RPS6KA1: variants seen among roughly 807,000 people sequenced by gnomAD.
The protein encoded by RPS6KA1 is ribosomal protein S6 kinase A1.
RPS6KA1 carries 48 observed loss-of-function variants against 91.3 expected under a neutral mutation model. That is an observed-to-expected ratio of 0.53 (90% confidence interval 0.42 to 0.67). RPS6KA1 has a LOEUF of 0.67. Among genes scored for constraint, RPS6KA1 ranks in the 30% least tolerant of loss-of-function variants. The probability of loss-of-function intolerance (pLI) is 0.00; values close to 1 mark genes in which losing one functional copy is unlikely to be tolerated. For missense variants in RPS6KA1, 719 were observed against 960.5 expected, an observed-to-expected ratio of 0.75 and a Z score of 3.32; for synonymous variants, 359 against 384.7, an observed-to-expected ratio of 0.93 and a Z score of 0.78.
At chr1:26,559,924 G>A (rs765244256) in intron 14 of RPS6KA1, among the ~76,000 whole-genome samples, 6 of 152,138 alleles carry the variant, frequency 3.9e-5, no homozygotes, top group African/African-American at 7.2e-5. Flanking sequence ...GCGAAACCCC[G>A]TCTCTAAAAA....
At chr1:26,563,233 C>T (rs1289804210) in intron 17 of RPS6KA1, among the ~76,000 whole-genome samples, 1 of 151,638 alleles carries the variant, frequency 6.6e-6, no homozygotes, top group African/African-American at 2.4e-5. Flanking sequence ...TAAATCTCTC[C>T]CCCTTTTTTT....
Position 26,560,725 on chromosome 1 carries a change from G to A in RPS6KA1, c.1216-1G>A. On this transcript the variant is annotated splice_acceptor_variant, in intron 14 of 21. Transcript: ENST00000374168. LOFTEE classifies it high-confidence loss of function. Reference sequence around the variant, plus strand: ...CAGCCACAATTTTTGGTCTCCTACAGCAACTCCATGGGAAGAACCTGGTTT... The same window carrying A: ...CAGCCACAATTTTTGGTCTCCTACAACAACTCCATGGGAAGAACCTGGTTT... The A allele has an allele frequency of 1.2e-6, 2 of 1,614,152 alleles. No individual in the cohort carries two copies. Among genetic ancestry groups the A allele is most frequent in the Non-Finnish European group, 1.7e-6 (2 of 1,180,018 alleles).
chr1:26,559,007 T>C (rs940014856), intron 14 of RPS6KA1, 70 bp downstream of exon 14: 12 of 1,555,616 alleles, frequency 7.7e-6, no homozygotes, highest in Non-Finnish European at 7.9e-6. Flanking sequence ...AGGCTCTGAG[T>C]TGGACAGAAC....
Position 26,572,256 on chromosome 1 carries a change from G to T in RPS6KA1, c.1910G>T (p.Ser637Ile). ...TRIGSGKFTLSGGNWNTVSET... is the reference protein window; with the variant it reads ...TRIGSGKFTLIGGNWNTVSET... ...ATCGGCAGTGGGAAGTTTACCCTCA[G>T]TGGGGGAAATTGGAACACAGTTTCA... Residue 637 changes from serine to isoleucine, a missense_variant, in exon 20 of 22, where the codon AGT (serine) becomes ATT (isoleucine). Physicochemically the swap from Ser to Ile is moderately radical, Grantham distance 142. Transcript: ENST00000374168. 6.2e-7 allele frequency: 1 copy of T among 1,614,044 alleles called. No individual in the cohort carries two copies. The highest frequency in any genetic ancestry group is 8.5e-7 in the Non-Finnish European group (1 of 1,179,968).
intron 2 of RPS6KA1, chr1:26,543,249 C>A: frequency 6.8e-7 from 1 of 1,477,974 alleles, no homozygotes; most frequent in Non-Finnish European, 9.1e-7. Flanking sequence ...CTGCCTCCAG[C>A]GGTGTCTGTC....
In RPS6KA1 at chr1:26,547,150, C is replaced by T. The variant is rs2076002412; in HGVS notation, c.226-39C>T. 2 of 1,607,454 alleles carry T rather than the reference C, an allele frequency of 1.2e-6. No individual in the cohort carries two copies. The highest frequency in any genetic ancestry group is 2.2e-5 in the East Asian group (1 of 44,842). On this transcript the variant is annotated intron_variant, in intron 3 of 21. Coordinates refer to ENST00000374168, the MANE Select transcript of RPS6KA1 (RefSeq NM_002953.4). The surrounding 1 kb of genome is among the most constrained non-coding windows in gnomAD (Gnocchi z 4.1). ...TAGAGGTCAGCCTGGACTCAGACCT[C>T]TCCCATCTTCTGCCCTGCTTCCTGC...
intron 17 of RPS6KA1, among the ~76,000 whole-genome samples, chr1:26,562,670 T>C (rs1479286264): frequency 2.0e-5 from 3 of 152,070 alleles, no homozygotes. Context: ...TCTCTCTGCA[T>C]GAGATAATGT....
intron 14 of RPS6KA1, among the ~76,000 whole-genome samples, chr1:26,559,714 T>G (rs1002604152): frequency 6.6e-6 from 1 of 152,066 alleles, no homozygotes; most frequent in African/African-American, 2.4e-5. Flanking sequence ...TCCTCGTGCC[T>G]CAGTTTCCTC....
At chr1:26,536,081 G>C (rs1216422428) in intron 1 of RPS6KA1, among the ~76,000 whole-genome samples, 1 of 151,294 alleles carries the variant, frequency 6.6e-6, no homozygotes, top group Non-Finnish European at 1.5e-5. Context: ...TTGAACCTGG[G>C]AGGCGGAGGT....
At chr1:26,544,303 A>G in intron 2 of RPS6KA1, 1 of 432,846 alleles carries the variant, frequency 2.3e-6, no homozygotes, top group Non-Finnish European at 4.7e-6. Context: ...CCTTTTGGGT[A>G]CATGTCACAT....
rs2076124832 is a variant in RPS6KA1, at chr1:26,558,470, C to G, written c.1085-337C>G. On this transcript the variant is annotated intron_variant, in intron 13 of 21. Transcript: ENST00000374168. The surrounding 1 kb of genome is among the most constrained non-coding windows in gnomAD (Gnocchi z 4.0). ...CAGGGTGGCAGATTTGTGGTTGGAA[C>G]CTTCCCTCTGGCTGCTGTGCAGAGA... 6.6e-6 allele frequency among the ~76,000 whole-genome samples: 1 copy of G among 152,156 alleles called. No individual in the cohort carries two copies. The highest frequency in any genetic ancestry group is 6.5e-5 in the Admixed American group (1 of 15,282).
Position 26,554,658 on chromosome 1 carries a change from G to T in RPS6KA1, c.676G>T (p.Val226Leu). The change falls in exon 9 of 22, where the codon GTG becomes TTG. Residue 226 changes from valine to leucine, a missense_variant. Transcript: ENST00000374168. This position sits in a 1 kb window ranked among gnomAD's most constrained non-coding sequence, Gnocchi z 4.6. ...GAAGGCCTATTCTTTCTGCGGGACA[G>T]TGGAGTACATGGCCCCTGAGGTCGT... ...EKKAYSFCGT[V>L]EYMAPEVVNR... is the part of the protein sequence containing the mutation. 1.2e-6 allele frequency: 2 copies of T among 1,613,950 alleles called. No individual in the cohort carries two copies. Among genetic ancestry groups the T allele is most frequent in the Non-Finnish European group, 1.7e-6 (2 of 1,179,848 alleles).
chr1:26,551,868 A>G lies in RPS6KA1; in HGVS notation c.468+145A>G. On this transcript the variant is annotated intron_variant, in intron 6 of 21. Transcript: ENST00000374168. This position sits in a 1 kb window ranked among gnomAD's most constrained non-coding sequence, Gnocchi z 4.5. ...CTGCCTAGCAGCCCCTGGCCCAGGAAATACCACGCACCCTGGAATGGAGGC... is the reference window on the plus strand; with the variant it reads ...CTGCCTAGCAGCCCCTGGCCCAGGAGATACCACGCACCCTGGAATGGAGGC... 1 of 694,752 alleles carries G rather than the reference A, an allele frequency of 1.4e-6. No homozygotes were observed. The highest frequency in any genetic ancestry group is 2.5e-6 in the Non-Finnish European group (1 of 393,458). The allele number at this position is 694,752 out of a possible 1,614,324, so 43.0% of individuals were successfully genotyped here. A position where few individuals can be genotyped will look rare whatever the true frequency, so the allele number is the denominator to read the frequency against.
chr1:26,574,966 C>T lies in RPS6KA1; in HGVS notation c.*765C>T, dbSNP rs2076283438. 6.0e-6 allele frequency: 1 copy of T among 166,614 alleles called. No homozygotes were observed. Among genetic ancestry groups the T allele is most frequent in the African/African-American group, 2.4e-5 (1 of 41,558 alleles). 10.3% of individuals were successfully genotyped at this position (166,614 alleles called of 1,614,324 possible). On this transcript the variant is annotated 3_prime_UTR_variant, in exon 22 of 22. Transcript: ENST00000374168. The surrounding 1 kb of genome is among the most constrained non-coding windows in gnomAD (Gnocchi z 4.3). The stretch of plus-strand genomic sequence containing the variant: ...GGACAGGGTCTTTTTTCATTTCTTC[C>T]TCAGCTGGTTACTCAGGGTTCATCT...
At chr1:26,567,956 C>T (rs947164440) in intron 17 of RPS6KA1, among the ~76,000 whole-genome samples, 3 of 152,162 alleles carry the variant, frequency 2.0e-5, no homozygotes, top group African/African-American at 4.8e-5. Context: ...CTGGCCTGCC[C>T]GACTCCTTCC....
In RPS6KA1 at chr1:26,555,226, G is replaced by A; in HGVS notation, c.827+5G>A. 1 of 1,614,028 alleles carries A rather than the reference G, an allele frequency of 6.2e-7. No homozygotes were observed. Among genetic ancestry groups the A allele is most frequent in the South Asian group, 1.1e-5 (1 of 91,074 alleles). On this transcript the variant is annotated splice_donor_5th_base_variant and intron_variant, in intron 10 of 21. Coordinates refer to ENST00000374168, the MANE Select transcript of RPS6KA1 (RefSeq NM_002953.4). The surrounding 1 kb of genome is among the most constrained non-coding windows in gnomAD (Gnocchi z 4.3). ...GACCATGACACTGATTCTGAAGTAA[G>A]CCCCAGCCCTGCCCTGATAACAATG...
At position 26,552,827 on chromosome 1, in the gene RPS6KA1, A is replaced by G. The variant is rs1334547059; in HGVS notation, c.469-564A>G. The G allele has an allele frequency of 4.7e-5, 20 of 426,782 alleles. No homozygotes were observed. In the East Asian group the frequency reaches 1.5e-3, roughly 33 times the overall value. The allele number at this position is 426,782 out of a possible 1,614,324, so 26.4% of individuals were successfully genotyped here. A position where few individuals can be genotyped will look rare whatever the true frequency, so the allele number is the denominator to read the frequency against. On this transcript the variant is annotated intron_variant, in intron 6 of 21. Transcript: ENST00000374168. ...TTTAATGTTTGAATAGGTAATATAC[A>G]TGATTCAAAAGAAAAATATTCATGA...
chr1:26,573,341 C>G lies in RPS6KA1; in HGVS notation c.2065C>G (p.Gln689Glu). Residue 689 changes from glutamine to glutamate, a missense_variant, in exon 21 of 22, where the codon CAG (glutamine) becomes GAG (glutamate). By Grantham distance (29) the Gln-to-Glu change is conservative. Transcript: ENST00000374168. ...DKLPQSQLSH[Q>E]DLQLVKGAMA... Reference sequence around the variant, plus strand: ...GCTTCCCCAAAGCCAGCTGTCCCACCAGGACCTACAGCTTGTGAAGGTATG... The same window carrying G: ...GCTTCCCCAAAGCCAGCTGTCCCACGAGGACCTACAGCTTGTGAAGGTATG... 1 of 1,614,204 alleles carries G rather than the reference C, an allele frequency of 6.2e-7. No homozygotes were observed. The highest frequency in any genetic ancestry group is 1.1e-5 in the South Asian group (1 of 91,084).
chr1:26,529,883 G>A lies in RPS6KA1; in HGVS notation c.-38G>A, dbSNP rs749233237. 1.3e-5 allele frequency: 18 copies of A among 1,400,508 alleles called. No individual in the cohort carries two copies. The South Asian group carries it at 2.0e-4, about 16-fold the overall frequency. The allele number at this position is 1,400,508 out of a possible 1,614,324, so 86.8% of individuals were successfully genotyped here. ...AGGACCCGGGAGGCGGCGCAGCCGG[G>A]GCCGCCGGAGGAGCGCGGGTGACCT... On this transcript the variant is annotated 5_prime_UTR_variant, in exon 1 of 22. Coordinates refer to ENST00000374168, the MANE Select transcript of RPS6KA1 (RefSeq NM_002953.4). The surrounding 1 kb of genome is among the most constrained non-coding windows in gnomAD (Gnocchi z 4.2).
Sources: gnomAD v4.1 joint callset for allele counts (sites outside exome capture counted in the v4.1 genomes callset) on GRCh38, gnomAD v4.1.1 for gene constraint, Gnocchi (gnomAD v3.1) non-coding constraint, MANE v1.5 for transcripts, NCBI Gene and HGNC (gene_info 2026-07-23, HGNC 2026-07-21) for gene names.